The following GPKOW variants were observed in gnomAD, a reference collection of about 807,000 sequenced individuals.
GPKOW encodes G-patch domain and KOW motifs-containing protein.
For missense variants in GPKOW, 359 were observed against 404.7 expected (o/e 0.89, Z 0.97); for synonymous variants, 167 against 159.1 (o/e 1.05, Z -0.37).
chrX:49,122,071 T>C (rs1475825114), intron 3 of GPKOW, among the ~76,000 whole-genome samples: 1 of 112,277 alleles, frequency 8.9e-6, no homozygotes, highest in Non-Finnish European at 1.9e-5. Context: ...CTTCGTCTAC[T>C]ACCCCTTCCC....
rs1557090169 is a variant in GPKOW at position 49,115,928 on chromosome X, T to C, written c.1103A>G (p.Asp368Gly). The part of the protein sequence containing the change: ...LHRDLRVRFV[D>G]NMYKGGQYYN... ...ATATTGGCCTCCTTTGTACATGTTG[T>C]CCACAAACCGCACACGCAGGTCCCT... The change falls in exon 8 of 11, where the codon GAC (aspartate) becomes GGC (glycine). Residue 368 changes from aspartate to glycine, a missense_variant. Asp to Gly is a moderately conservative substitution (Grantham distance 94, BLOSUM62 -1). Coordinates refer to ENST00000156109, the MANE Select transcript of GPKOW (RefSeq NM_015698.6). The C allele has an allele frequency of 2.5e-6, 3 of 1,210,778 alleles. No homozygotes were observed. The highest frequency in any genetic ancestry group is 1.7e-5 in the African/African-American group (1 of 57,837).
chrX:49,122,292 G>A (rs886334708), intron 3 of GPKOW, 106 bp downstream of exon 3: 34 of 631,364 alleles, frequency 5.4e-5, no homozygotes, highest in Non-Finnish European at 7.5e-5. Context: ...GGCAGGTGGC[G>A]GGCCTCTAGC....
chrX:49,119,803 C>A lies in GPKOW; in HGVS notation c.468G>T (p.Glu156Asp). 1 of 1,168,025 alleles carries A rather than the reference C, an allele frequency of 8.6e-7. No individual in the cohort carries two copies. The highest frequency in any genetic ancestry group is 1.2e-6 in the Non-Finnish European group (1 of 857,070). The change falls in exon 4 of 11, where the codon GAG becomes GAT. Residue 156 changes from glutamate (E) to aspartate (D), a missense_variant. Coordinates refer to ENST00000156109, the MANE Select transcript of GPKOW (RefSeq NM_015698.6). ...SEPRAETVPE[E>D]ANYEAVPVEA... ...CCACGGGGACCGCCTCATAATTAGC[C>A]TCCTCTGGCACCTACAGGTTCAGGT...
intron 3 of GPKOW, 26 bp from the exon 4 acceptor site, chrX:49,119,840 G>A: frequency 2.1e-6 from 2 of 964,212 alleles, no homozygotes; most frequent in Admixed American, 2.4e-5. Context: ...GAGGAAGGAG[G>A]GTCAGGCTTT....
rs187722478 is a variant in GPKOW at position 49,117,160 on chromosome X, C to T, written c.783G>A (p.Val261=). The T allele has an allele frequency of 4.2e-4, 513 of 1,208,827 alleles. No individual in the cohort carries two copies. Among genetic ancestry groups the T allele is most frequent in the Non-Finnish European group, 5.3e-4 (474 of 894,471 alleles). ...GAACATTGTCAGGATCAAGGCCTTC[C>T]ACCTAAAGTGTTGAGGGGAAGAAGT... ...SGPHRGLYGK[V]EGLDPDNVRA... is the part of the protein sequence containing the mutation. Residue 261 remains valine (V), a splice_region_variant and synonymous_variant, in exon 6 of 11, where the codon GTG becomes GTA. Coordinates refer to ENST00000156109, the MANE Select transcript of GPKOW (RefSeq NM_015698.6).
chrX:49,118,184 G>A (rs922176095), intron 4 of GPKOW, among the ~76,000 whole-genome samples: 1 of 110,207 alleles, frequency 9.1e-6, no homozygotes, highest in Admixed American at 9.8e-5. Context: ...GCCTCCCAAA[G>A]TGCTGAGATT....
At chrX:49,122,316 T>C in intron 3 of GPKOW, 82 bp downstream of exon 3, 1 of 874,858 alleles carries the variant, frequency 1.1e-6, no homozygotes, top group Non-Finnish European at 1.5e-6. Flanking sequence ...CACACAGACT[T>C]TCCCTGCTAC....
chrX:49,115,001 C>G (rs1425326385), intron 9 of GPKOW, among the ~76,000 whole-genome samples: 4 of 102,806 alleles, frequency 3.9e-5, no homozygotes, highest in Non-Finnish European at 7.8e-5. Context: ...ACCCTGTTGA[C>G]AGATGGGAGT....
At position 49,121,865 on chromosome X, in the gene GPKOW, G is replaced by T. The variant is rs782691008; in HGVS notation, c.456+533C>A. 2.7e-5 allele frequency among the ~76,000 whole-genome samples: 3 copies of T among 111,766 alleles called. No homozygotes were observed. In the South Asian group the frequency reaches 1.1e-3, roughly 41 times the overall value. ...CTAAGTCCCCAGCATCTCTAGCCTGGACTACTCATCCCCTTGCTTCCACCT... is the reference window on the plus strand; with the variant it reads ...CTAAGTCCCCAGCATCTCTAGCCTGTACTACTCATCCCCTTGCTTCCACCT... On this transcript the variant is annotated intron_variant, in intron 3 of 10. Coordinates refer to ENST00000156109, the MANE Select transcript of GPKOW (RefSeq NM_015698.6).
At position 49,122,489 on chromosome X, in the gene GPKOW, G is replaced by A. The variant is rs781895595; in HGVS notation, c.365C>T (p.Ala122Val). ...GATAGCGAGCGTGGGGTCGACACCC[G>A]CATTCTCTCTCTCTTCCAGAGACTT... ...SKKSLEEREN[A>V]GVDPTLAIPM... The change falls in exon 3 of 11, where the codon GCG becomes GTG. Residue 122 changes from alanine to valine, a missense_variant. Physicochemically the swap from Ala to Val is moderately conservative, Grantham distance 64. Transcript: ENST00000156109. The A allele has an allele frequency of 5.0e-6, 6 of 1,202,681 alleles. No individual in the cohort carries two copies. The highest frequency in any genetic ancestry group is 3.5e-5 in the African/African-American group (2 of 57,100).
Sources: gnomAD v4.1 joint callset for allele counts (sites outside exome capture counted in the v4.1 genomes callset) on GRCh38, gnomAD v4.1.1 for gene constraint, MANE v1.5 for transcripts, NCBI Gene and HGNC (gene_info 2026-07-23, HGNC 2026-07-21) for gene names.